Variants in ENPP3 observed in about 807,000 individuals in gnomAD.
ENPP3 encodes ectonucleotide pyrophosphatase/phosphodiesterase 3.
A neutral mutation model predicts 117.8 loss-of-function variants in ENPP3; 104 were observed. The ratio of observed to expected loss-of-function variants is 0.88; its 90% confidence interval spans 0.75 to 1.04. ENPP3 has a LOEUF of 1.04. Ranked by LOEUF, ENPP3 falls within the 50% of genes least tolerant of loss-of-function variation. ENPP3 has a pLI of 0.00. For missense variants in ENPP3, 1,026 were observed against 1,051.9 expected (o/e 0.98, Z 0.34); for synonymous variants, 380 against 349.9 (o/e 1.09, Z -0.96).
intron 17 of ENPP3, 141 bp from the exon 18 acceptor site, chr6:131,722,086 G>A: frequency 1.6e-6 from 1 of 619,824 alleles, no homozygotes; most frequent in Non-Finnish European, 2.8e-6. Flanking sequence ...AAACTGAATG[G>A]CATATAGAGT....
intron 9 of ENPP3, 40 bp from the exon 10 acceptor site, chr6:131,676,696 T>G (rs1562444694): frequency 7.7e-7 from 1 of 1,296,580 alleles, no homozygotes; most frequent in South Asian, 1.2e-5. Context: ...ATTCTTGATT[T>G]GATTCATTTT....
At chr6:131,684,350 A>G (rs1779102342) in intron 12 of ENPP3, among the ~76,000 whole-genome samples, 1 of 152,216 alleles carries the variant, frequency 6.6e-6, no homozygotes. Flanking sequence ...GAAACTTTTG[A>G]TGTACATTTT....
intron 6 of ENPP3, among the ~76,000 whole-genome samples, chr6:131,658,730 A>G (rs1024350338): frequency 6.6e-6 from 1 of 152,180 alleles, no homozygotes; most frequent in African/African-American, 2.4e-5. Flanking sequence ...TGTTTGTCAG[A>G]CCCAGGTTCT....
At chr6:131,734,098 CT>C (rs1403572164) in intron 21 of ENPP3, among the ~76,000 whole-genome samples, 1 of 152,102 alleles carries the variant, frequency 6.6e-6, no homozygotes, top group Non-Finnish European at 1.5e-5. Context: ...AGAAATCAGG[CT>C]GGGTGCTCGC....
intron 24 of ENPP3, among the ~76,000 whole-genome samples, chr6:131,741,811 TA>T (rs1261128357): frequency 6.6e-6 from 1 of 152,148 alleles, no homozygotes; most frequent in Non-Finnish European, 1.5e-5. Context: ...GAAAGTCCCA[TA>T]GGCAATTAGA....
chr6:131,724,226 T>TAAAAAAAAAAAAAAC (rs397941468), intron 19 of ENPP3, 135 bp downstream of exon 19: 2 of 343,558 alleles, frequency 5.8e-6, no homozygotes, highest in East Asian at 6.4e-5. Context: ...ATACAAAAGG[T>TAAAAAAAAAAAAAAC]AAAAAAAAAA....
intron 2 of ENPP3, among the ~76,000 whole-genome samples, chr6:131,643,984 A>G (rs1778107171): frequency 6.6e-6 from 1 of 150,956 alleles, no homozygotes. Context: ...ATAACTTTTG[A>G]GTAATGACTG....
At chr6:131,692,889 A>G (rs1484230426) in intron 14 of ENPP3, among the ~76,000 whole-genome samples, 3 of 142,200 alleles carry the variant, frequency 2.1e-5, no homozygotes, top group Non-Finnish European at 4.6e-5. Flanking sequence ...TATATATTAT[A>G]CACTATATAT....
chr6:131,675,865 A>T (rs997913029), intron 9 of ENPP3, among the ~76,000 whole-genome samples: 15 of 152,270 alleles, frequency 9.9e-5, no homozygotes, highest in Admixed American at 5.2e-4. Context: ...AAAATTAAAT[A>T]AAATAAAATG....
intron 24 of ENPP3, among the ~76,000 whole-genome samples, chr6:131,744,782 A>G (rs368136674): frequency 2.0e-5 from 3 of 151,134 alleles, no homozygotes; most frequent in East Asian, 3.9e-4. Context: ...AATACTCTTA[A>G]TTCTGTAACA....
chr6:131,675,021 G>A (rs892186341), intron 8 of ENPP3, 59 bp from the exon 9 acceptor site: 13 of 963,774 alleles, frequency 1.3e-5, no homozygotes, highest in Non-Finnish European at 1.5e-5. Flanking sequence ...TTCTAGTAAG[G>A]TACACCATTT....
At chr6:131,718,801 C>T in intron 16 of ENPP3, 63 bp downstream of exon 16, 1 of 968,646 alleles carries the variant, frequency 1.0e-6, no homozygotes, top group Non-Finnish European at 1.6e-6. Flanking sequence ...ACAGAATGTG[C>T]AGGTTTGTTA....
chr6:131,673,834 A>T (rs1370985473), intron 7 of ENPP3, among the ~76,000 whole-genome samples: 1 of 152,208 alleles, frequency 6.6e-6, no homozygotes, highest in East Asian at 1.9e-4. Flanking sequence ...CATAGCATGT[A>T]TATTGCATTA....
intron 1 of ENPP3, among the ~76,000 whole-genome samples, chr6:131,638,091 C>T (rs1192277866): frequency 6.6e-6 from 1 of 151,854 alleles, no homozygotes; most frequent in Non-Finnish European, 1.5e-5. Flanking sequence ...AAAGAGGGCT[C>T]ATTTCATTGC....
intron 20 of ENPP3, 101 bp downstream of exon 20, chr6:131,726,301 G>A (rs1780153573): frequency 1.9e-6 from 2 of 1,063,994 alleles, no homozygotes. Context: ...TTCAAAGGGA[G>A]GGAACTCACT....
intron 8 of ENPP3, among the ~76,000 whole-genome samples, chr6:131,674,582 C>CTT (rs111529330): frequency 1.1e-4 from 15 of 137,736 alleles, no homozygotes; most frequent in African/African-American, 3.2e-4. Flanking sequence ...TTTTTTTTTT[C>CTT]TTTTTTTTTG....
At position 131,738,043 on chromosome 6, in the gene ENPP3, A is replaced by G; in HGVS notation, c.2180A>G (p.Tyr727Cys). 1.3e-6 allele frequency: 2 copies of G among 1,592,664 alleles called. No homozygotes were observed. Among genetic ancestry groups the G allele is most frequent in the Middle Eastern group, 1.7e-4 (1 of 5,946 alleles). ...MYEEFRKMWD[Y>C]FHSVLLIKHA... ...ATTTTATTTTTAGAAATGTGGGACT[A>G]CTTCCACAGTGTTCTTCTTATAAAA... The change falls in exon 23 of 25, where the codon TAC (tyrosine) becomes TGC (cysteine). Residue 727 changes from tyrosine to cysteine, a missense_variant. Tyr to Cys is a radical substitution (Grantham distance 194, BLOSUM62 -2). Coordinates refer to ENST00000357639, the MANE Select transcript of ENPP3 (RefSeq NM_005021.5).
chr6:131,710,145 A>G (rs1466573622), intron 15 of ENPP3: 2 of 1,613,910 alleles, frequency 1.2e-6, no homozygotes, highest in Non-Finnish European at 1.7e-6. Flanking sequence ...ATTCCAGGTT[A>G]TCATCATCCG....
intron 21 of ENPP3, among the ~76,000 whole-genome samples, chr6:131,736,410 T>C (rs902958450): frequency 1.3e-5 from 2 of 152,238 alleles, no homozygotes; most frequent in East Asian, 3.8e-4. Flanking sequence ...ATATCTTACA[T>C]GGCTGCAGGC....
Sources: allele counts gnomAD v4.1 joint callset (sites outside exome capture counted in the v4.1 genomes callset), GRCh38; gene constraint gnomAD v4.1.1; transcripts MANE v1.5; gene names NCBI Gene and HGNC (gene_info 2026-07-23, HGNC 2026-07-21).